The following TSC22D1 variants were observed in gnomAD, a reference collection of about 807,000 sequenced individuals.
TSC22D1 encodes TSC22 domain family member 1.
TSC22D1 carries 9 observed loss-of-function variants against 74.2 expected under a neutral mutation model. The ratio of observed to expected loss-of-function variants is 0.12; its 90% CI spans 0.07 to 0.21. TSC22D1 has a LOEUF of 0.21. TSC22D1 is among the 10% of genes least tolerant of loss of function. TSC22D1 has a pLI of 1.00. For missense variants in TSC22D1, 1,427 were observed against 1,304.7 expected, an observed-to-expected ratio of 1.09 and a Z score of -1.44; for synonymous variants, 586 against 492.5, an observed-to-expected ratio of 1.19 and a Z score of -2.51.
At chr13:44,437,087 AC>A in intron 1 of TSC22D1, 1 of 977,096 alleles carries the variant, frequency 1.0e-6, no homozygotes, top group Non-Finnish European at 1.2e-6. Context: ...GGAGGTTTCC[AC>A]GGCGGCCTCA....
chr13:44,549,620 C>G (rs1053354770), intron 1 of TSC22D1, among the ~76,000 whole-genome samples: 1 of 151,754 alleles, frequency 6.6e-6, no homozygotes, highest in Non-Finnish European at 1.5e-5. Flanking sequence ...AAAAAATTAG[C>G]CAGGCATGGT....
intron 1 of TSC22D1, among the ~76,000 whole-genome samples, chr13:44,518,020 C>A (rs1044619567): frequency 6.8e-6 from 1 of 147,472 alleles, no homozygotes; most frequent in African/African-American, 2.5e-5. Context: ...CCACGCCCAG[C>A]TAACTTTTTT....
At chr13:44,572,555 C>T (rs1418766554) in intron 1 of TSC22D1, among the ~76,000 whole-genome samples, 2 of 152,160 alleles carry the variant, frequency 1.3e-5, no homozygotes, top group Admixed American at 6.5e-5. Flanking sequence ...GTCCTCCTTT[C>T]CCACAAAATA....
chr13:44,575,369 G>A lies in TSC22D1; in HGVS notation c.706C>T (p.His236Tyr). ...IHHGHHLQHGHHHPSHVAVAS... is the reference protein window; with the variant it reads ...IHHGHHLQHGYHHPSHVAVAS... ...ACAGCAACATGAGATGGATGGTGGTGACCATGTTGGAGGTGGTGCCCATGA... is the reference window on the plus strand; with the variant it reads ...ACAGCAACATGAGATGGATGGTGGTAACCATGTTGGAGGTGGTGCCCATGA... The change falls in exon 1 of 3, where the codon CAC (histidine) becomes TAC (tyrosine). Residue 236 changes from histidine to tyrosine, a missense_variant. By Grantham distance (83) the His-to-Tyr change is moderately conservative. This residue lies in a region of TSC22D1 where 1,343 missense variants were observed against 1,191.5 expected (regional missense o/e 1.13). Coordinates refer to ENST00000458659, the MANE Select transcript of TSC22D1 (RefSeq NM_183422.4). 1.2e-6 allele frequency: 2 copies of A among 1,614,128 alleles called. No individual in the cohort carries two copies.
chr13:44,440,408 G>A (rs182800463), intron 1 of TSC22D1, among the ~76,000 whole-genome samples: 9 of 151,824 alleles, frequency 5.9e-5, no homozygotes, highest in East Asian at 5.8e-4. Flanking sequence ...GTAAAACCCC[G>A]TCTCCACTTT....
rs376963989 is a variant in TSC22D1, at chr13:44,434,316, G to T, written c.*310C>A. ...GGAAGTGAGGGGTAGGGAGCCGGAA[G>T]GGATGGAAAGGCACACAGCTCCTGA... On this transcript the variant is annotated 3_prime_UTR_variant, in exon 3 of 3. Coordinates refer to ENST00000458659, the MANE Select transcript of TSC22D1 (RefSeq NM_183422.4). The T allele has an allele frequency of 7.3e-7, 1 of 1,371,858 alleles. No homozygotes were observed. The allele number at this position is 1,371,858 out of a possible 1,614,324, so 85.0% of individuals were successfully genotyped here. A position where few individuals can be genotyped will look rare whatever the true frequency, so the allele number is the denominator to read the frequency against.
At chr13:44,533,080 A>G (rs1880943590) in intron 1 of TSC22D1, among the ~76,000 whole-genome samples, 1 of 152,112 alleles carries the variant, frequency 6.6e-6, no homozygotes, top group African/African-American at 2.4e-5. Flanking sequence ...TCTTGCATGT[A>G]AAATAAGGGT....
chr13:44,525,881 G>A (rs955232675), intron 1 of TSC22D1, among the ~76,000 whole-genome samples: 4 of 151,494 alleles, frequency 2.6e-5, no homozygotes, highest in Non-Finnish European at 5.9e-5. Context: ...TGAGCGGACT[G>A]CCTTGATCTC....
At chr13:44,472,515 C>T (rs2137910878) in intron 1 of TSC22D1, among the ~76,000 whole-genome samples, 1 of 152,252 alleles carries the variant, frequency 6.6e-6, no homozygotes, top group Non-Finnish European at 1.5e-5. Flanking sequence ...CTATGTGTAC[C>T]AGGTCCCTAA....
intron 1 of TSC22D1, among the ~76,000 whole-genome samples, chr13:44,554,449 GA>G (rs569909266): frequency 1.6e-4 from 24 of 152,140 alleles, no homozygotes; most frequent in African/African-American, 5.3e-4. Flanking sequence ...GGATAATTGA[GA>G]AGATAAATCA....
At chr13:44,476,582 A>T (rs1202297529) in intron 1 of TSC22D1, among the ~76,000 whole-genome samples, 1 of 152,268 alleles carries the variant, frequency 6.6e-6, no homozygotes, top group East Asian at 1.9e-4. Context: ...TTAATTTAAA[A>T]ATCATAGACA....
At chr13:44,517,849 A>T (rs1566149877) in intron 1 of TSC22D1, among the ~76,000 whole-genome samples, 5 of 22,780 alleles carry the variant, frequency 2.2e-4, no homozygotes, top group Non-Finnish European at 6.1e-4. Context: ...ATATATATAT[A>T]TATATATATT....
intron 1 of TSC22D1, among the ~76,000 whole-genome samples, chr13:44,530,768 A>AT (rs1880793493): frequency 6.6e-6 from 1 of 152,196 alleles, no homozygotes; most frequent in African/African-American, 2.4e-5. Context: ...ATCATATATC[A>AT]TTAGGGAATT....
intron 1 of TSC22D1, among the ~76,000 whole-genome samples, chr13:44,470,368 A>C (rs1024732514): frequency 2.0e-5 from 3 of 152,190 alleles, no homozygotes; most frequent in African/African-American, 7.2e-5. Context: ...AACTGCCTTG[A>C]AACAGCTCTC....
At chr13:44,460,202 A>T (rs1033866825) in intron 1 of TSC22D1, among the ~76,000 whole-genome samples, 6 of 152,208 alleles carry the variant, frequency 3.9e-5, no homozygotes, top group African/African-American at 1.4e-4. Flanking sequence ...GTTCTGAACT[A>T]CTTGGTTTTA....
intron 1 of TSC22D1, among the ~76,000 whole-genome samples, chr13:44,551,644 C>T (rs1317423138): frequency 6.6e-6 from 1 of 152,188 alleles, no homozygotes; most frequent in Non-Finnish European, 1.5e-5. Flanking sequence ...TGGTCTTGAA[C>T]TCCTAGGCTC....
In TSC22D1 at chr13:44,434,473, A is replaced by C; in HGVS notation, c.*153T>G. On this transcript the variant is annotated 3_prime_UTR_variant, in exon 3 of 3. Coordinates refer to ENST00000458659, the MANE Select transcript of TSC22D1 (RefSeq NM_183422.4). Reference sequence around the variant, plus strand: ...CCAAGCCATAAGCATATGAGTGTTTAATACTGGAAAAGAGATAATGGCATA... The same window carrying C: ...CCAAGCCATAAGCATATGAGTGTTTCATACTGGAAAAGAGATAATGGCATA... 1 of 1,386,246 alleles carries C rather than the reference A, an allele frequency of 7.2e-7. No individual in the cohort carries two copies. Among genetic ancestry groups the C allele is most frequent in the Non-Finnish European group, 9.3e-7 (1 of 1,076,540 alleles). 85.9% of individuals were successfully genotyped at this position (1,386,246 alleles called of 1,614,324 possible). A position where few individuals can be genotyped will look rare whatever the true frequency, so the allele number is the denominator to read the frequency against.
At chr13:44,497,721 G>A (rs1474557245) in intron 1 of TSC22D1, among the ~76,000 whole-genome samples, 2 of 151,810 alleles carry the variant, frequency 1.3e-5, no homozygotes, top group East Asian at 1.9e-4. Context: ...TTTTTCCTTT[G>A]CAACTGTCCC....
intron 1 of TSC22D1, among the ~76,000 whole-genome samples, chr13:44,493,023 G>A (rs955583991): frequency 6.6e-6 from 1 of 152,056 alleles, no homozygotes. Flanking sequence ...AGTAATGTCA[G>A]CAAAGACAGC....
Sources: gnomAD v4.1 joint callset for allele counts (sites outside exome capture counted in the v4.1 genomes callset) on GRCh38, gnomAD v4.1.1 for gene constraint, gnomAD v4.1.1 regional missense constraint, MANE v1.5 for transcripts, NCBI Gene and HGNC (gene_info 2026-07-23, HGNC 2026-07-21) for gene names.